ASXL3: variants seen among roughly 807,000 people sequenced by gnomAD.
ASXL3 encodes ASXL transcriptional regulator 3.
Under a neutral mutation model 170.6 loss-of-function variants are expected in ASXL3, and 34 were observed. That is an observed-to-expected ratio of 0.20 (90% CI 0.15 to 0.27). The LOEUF (loss-of-function observed/expected upper bound fraction) is 0.27, where lower values mean the gene tolerates loss of function less well. Among genes scored for constraint, ASXL3 ranks in the 10% least tolerant of loss-of-function variants. The pLI, the probability that ASXL3 is intolerant of heterozygous loss-of-function variation, is 1.00. For missense variants in ASXL3, 2,592 were observed against 2,695.3 expected (o/e 0.96, Z 0.85); for synonymous variants, 1,002 against 989.1 (o/e 1.01, Z -0.24).
chr18:33,745,580 T>G lies in ASXL3; in HGVS notation c.5732T>G (p.Phe1911Cys). ...TCGTGTAGCTTCCAGCAGAACCTAT[T>G]TCATGTTGACAAGAATGGCGGCTTC... ...LPSCSFQQNL[F>C]HVDKNGGFHT... Residue 1911 changes from phenylalanine to cysteine, a missense_variant, in exon 12 of 12, where the codon TTT (phenylalanine) becomes TGT (cysteine). Phe to Cys is a radical substitution (Grantham distance 205, BLOSUM62 -2). Transcript: ENST00000269197. 2 of 1,613,942 alleles carry G rather than the reference T, an allele frequency of 1.2e-6. No individual in the cohort carries two copies. The highest frequency in any genetic ancestry group is 1.7e-6 in the Non-Finnish European group (2 of 1,179,888).
At chr18:33,617,006 A>T (rs2065433831) in intron 2 of ASXL3, among the ~76,000 whole-genome samples, 1 of 152,154 alleles carries the variant, frequency 6.6e-6, no homozygotes, top group African/African-American at 2.4e-5. Context: ...CGTGATTCAG[A>T]ATTTGGAAGA....
At chr18:33,601,795 A>ATATATATATATATATATG (rs1377913565) in intron 1 of ASXL3, among the ~76,000 whole-genome samples, 10 of 143,598 alleles carry the variant, frequency 7.0e-5, no homozygotes, top group African/African-American at 1.0e-4. Context: ...GTATATATAT[A>ATATATATATATATATATG]GTTTGTTTGT....
Position 33,745,953 on chromosome 18 carries a change from C to T in ASXL3, c.6105C>T (p.Pro2035=), listed in dbSNP as rs553894128. The change falls in exon 12 of 12, where the codon CCC becomes CCT. Residue 2035 remains proline, a synonymous_variant. Coordinates refer to ENST00000269197, the MANE Select transcript of ASXL3 (RefSeq NM_030632.3). ...PPPPLALPPP[P]PPPPPLPPPL... Reference sequence around the variant, plus strand: ...CACCCTTGGCTTTGCCCCCGCCTCCCCCCCCACCACCTCCGCTACCTCCAC... The same window carrying T: ...CACCCTTGGCTTTGCCCCCGCCTCCTCCCCCACCACCTCCGCTACCTCCAC... 6 of 1,477,260 alleles carry T rather than the reference C, an allele frequency of 4.1e-6. No homozygotes were observed. The highest frequency in any genetic ancestry group is 3.6e-5 in the South Asian group (3 of 83,332). The allele number at this position is 1,477,260 out of a possible 1,614,324, so 91.5% of individuals were successfully genotyped here.
At chr18:33,590,913 G>A (rs539876909) in intron 1 of ASXL3, among the ~76,000 whole-genome samples, 5 of 152,068 alleles carry the variant, frequency 3.3e-5, no homozygotes, top group Admixed American at 1.3e-4. Context: ...ACATTTCTTC[G>A]TGAAGCTTCC....
Position 33,745,914 on chromosome 18 carries a change from T to TA in ASXL3, c.6066_6067insA (p.Pro2023ThrfsTer25). On this transcript the variant is annotated frameshift_variant, in exon 12 of 12. Coordinates refer to ENST00000269197, the MANE Select transcript of ASXL3 (RefSeq NM_030632.3). LOFTEE classifies it high-confidence loss of function. ...TAGTACATCCGCCGCCGCCACCGCC[T>TA]CCCCCTCCCCCTCCACCCTTGGCTT... The TA allele has an allele frequency of 7.5e-7, 1 of 1,339,472 alleles. No individual in the cohort carries two copies. The highest frequency in any genetic ancestry group is 1.0e-6 in the Non-Finnish European group (1 of 1,002,920). The allele number at this position is 1,339,472 out of a possible 1,614,324, so 83.0% of individuals were successfully genotyped here.
At chr18:33,654,472 AT>A (rs1307733927) in intron 4 of ASXL3, among the ~76,000 whole-genome samples, 8 of 152,086 alleles carry the variant, frequency 5.3e-5, no homozygotes, top group Non-Finnish European at 1.2e-4. Context: ...AGCTAACCTG[AT>A]TCCCCTTTAT....
intron 2 of ASXL3, among the ~76,000 whole-genome samples, chr18:33,615,286 C>T (rs1445957047): frequency 4.6e-5 from 7 of 152,156 alleles, no homozygotes; most frequent in Non-Finnish European, 7.4e-5. Flanking sequence ...CCTTAAGCCT[C>T]ATGAACCAAA....
chr18:33,625,933 C>T (rs2065595070), intron 2 of ASXL3: 1 of 151,932 alleles, frequency 6.6e-6, no homozygotes, highest in Admixed American at 6.6e-5. Flanking sequence ...AATAATGCTG[C>T]AGTGATTTAA....
chr18:33,599,478 A>G (rs1568269980), intron 1 of ASXL3, among the ~76,000 whole-genome samples: 1 of 152,154 alleles, frequency 6.6e-6, no homozygotes, highest in Non-Finnish European at 1.5e-5. Context: ...TGCTTTGTTT[A>G]GCTCTGTCAT....
chr18:33,692,016 A>T lies in ASXL3; in HGVS notation c.879+8448A>T, dbSNP rs182442740. Among the ~76,000 whole-genome samples, 23 of 152,314 alleles carry T rather than the reference A, an allele frequency of 1.5e-4. No individual in the cohort carries two copies. In the East Asian group the frequency reaches 4.1e-3, roughly 27 times the overall value. ...GTCTAACCCAACTTTTTCCAAGTAA[A>T]ACCATGGGAGTGAGAATGGAAACAC... On this transcript the variant is annotated intron_variant, in intron 8 of 11. Transcript: ENST00000269197.
intron 2 of ASXL3, among the ~76,000 whole-genome samples, chr18:33,632,154 C>CT (rs2065687876): frequency 6.6e-6 from 1 of 152,048 alleles, no homozygotes; most frequent in Admixed American, 6.6e-5. Flanking sequence ...CAGGTTATTT[C>CT]TACCTATGAG....
At chr18:33,589,344 C>G (rs575037520) in intron 1 of ASXL3, among the ~76,000 whole-genome samples, 2 of 152,220 alleles carry the variant, frequency 1.3e-5, no homozygotes, top group South Asian at 4.1e-4. Context: ...TATGAAGTTC[C>G]TGCAACAACT....
At chr18:33,584,793 A>G (rs2065022412) in intron 1 of ASXL3, among the ~76,000 whole-genome samples, 1 of 152,154 alleles carries the variant, frequency 6.6e-6, no homozygotes, top group African/African-American at 2.4e-5. Flanking sequence ...TGTCTATAAA[A>G]GCAAGGCTGG....
chr18:33,720,191 C>T (rs1025872993), intron 8 of ASXL3, among the ~76,000 whole-genome samples: 1 of 151,968 alleles, frequency 6.6e-6, no homozygotes, highest in African/African-American at 2.4e-5. Context: ...GACATTTTAC[C>T]CTTTACCACT....
chr18:33,624,025 G>A (rs763247605), intron 2 of ASXL3, among the ~76,000 whole-genome samples: 1 of 152,104 alleles, frequency 6.6e-6, no homozygotes, highest in Non-Finnish European at 1.5e-5. Context: ...AGGTGTGATT[G>A]TGCATACCTG....
At chr18:33,710,263 A>T (rs1048415751) in intron 8 of ASXL3, among the ~76,000 whole-genome samples, 1 of 152,186 alleles carries the variant, frequency 6.6e-6, no homozygotes, top group Admixed American at 6.5e-5. Context: ...CTCCGTCTCA[A>T]AAAAACAAAA....
At chr18:33,646,892 G>GGA (rs869149193) in intron 4 of ASXL3, among the ~76,000 whole-genome samples, 15 of 129,636 alleles carry the variant, frequency 1.2e-4, no homozygotes, top group East Asian at 8.3e-4. Context: ...GGGGGGGGGG[G>GGA]CATTTTTCAC....
chr18:33,746,469 T>C lies in ASXL3; in HGVS notation c.6621T>C (p.Asp2207=). The change falls in exon 12 of 12, where the codon GAT becomes GAC. Residue 2207 remains aspartate, a synonymous_variant. Coordinates refer to ENST00000269197, the MANE Select transcript of ASXL3 (RefSeq NM_030632.3). The part of the protein sequence containing the change: ...VQNFADSSNA[D]ELELKCSCRL... Reference sequence around the variant, plus strand: ...ACTTTGCCGACAGCAGCAATGCAGATGAATTGGAACTGAAATGCTCTTGCC... The same window carrying C: ...ACTTTGCCGACAGCAGCAATGCAGACGAATTGGAACTGAAATGCTCTTGCC... The C allele has an allele frequency of 6.2e-7, 1 of 1,614,034 alleles. No homozygotes were observed.
At chr18:33,659,030 A>G (rs1004467235) in intron 4 of ASXL3, among the ~76,000 whole-genome samples, 3 of 152,108 alleles carry the variant, frequency 2.0e-5, no homozygotes, top group South Asian at 2.1e-4. Flanking sequence ...TGTACAGTGT[A>G]TATGCTGATA....
Sources: allele counts gnomAD v4.1 joint callset (sites outside exome capture counted in the v4.1 genomes callset), GRCh38; gene constraint gnomAD v4.1.1; transcripts MANE v1.5; gene names NCBI Gene and HGNC (gene_info 2026-07-23, HGNC 2026-07-21).